CHD6: variants seen among roughly 807,000 people sequenced by gnomAD.
CHD6 encodes ATP-dependent chromatin remodeler CHD6.
Under a neutral mutation model 276.9 loss-of-function variants are expected in CHD6, and 50 were observed. That is an observed-to-expected ratio of 0.18 (90% CI 0.14 to 0.23). CHD6 has a LOEUF of 0.23. CHD6 is among the 10% of genes least tolerant of loss of function. The pLI is 1.00. For synonymous variants in CHD6, 1,173 were observed against 1,229.3 expected, an observed-to-expected ratio of 0.95 and a Z score of 0.96; for missense variants, 2,564 against 3,365.8, an observed-to-expected ratio of 0.76 and a Z score of 5.89.
chr20:41,555,245 C>A (rs1343169541), intron 1 of CHD6, among the ~76,000 whole-genome samples: 1 of 133,186 alleles, frequency 7.5e-6, no homozygotes, highest in African/African-American at 3.0e-5. Context: ...CTGACCCCCC[C>A]ACCTCCCTCC....
chr20:41,600,434 G>C (rs8117339), intron 1 of CHD6, among the ~76,000 whole-genome samples: 53,749 of 151,880 alleles, frequency 0.35, 12,319 homozygotes, highest in African/African-American at 0.63. Context: ...GTAGAGTGAG[G>C]GGGGGGTCTT....
chr20:41,479,232 A>G (rs541257547), intron 16 of CHD6, among the ~76,000 whole-genome samples: 63 of 152,296 alleles, frequency 4.1e-4, no homozygotes, highest in Admixed American at 1.1e-3. Flanking sequence ...AGTCTCACAA[A>G]TAACCAAGAG....
At chr20:41,554,464 A>G (rs1480692811) in intron 1 of CHD6, among the ~76,000 whole-genome samples, 2 of 151,416 alleles carry the variant, frequency 1.3e-5, no homozygotes, top group East Asian at 3.9e-4. Context: ...GTCATAGGAC[A>G]ATAGTGGAGG....
At chr20:41,447,846 C>T (rs1225100527) in intron 24 of CHD6, 36 bp downstream of exon 24, 3 of 1,483,874 alleles carry the variant, frequency 2.0e-6, no homozygotes, top group East Asian at 4.6e-5. Context: ...TATGTCAATT[C>T]TTTAACGTTG....
intron 1 of CHD6, among the ~76,000 whole-genome samples, chr20:41,610,248 A>G (rs527682317): frequency 1.3e-5 from 2 of 152,302 alleles, no homozygotes; most frequent in African/African-American, 2.4e-5. Flanking sequence ...ACTACAATCA[A>G]TCTTATCATT....
chr20:41,498,379 T>C (rs1255279089), intron 6 of CHD6, among the ~76,000 whole-genome samples, 153 bp from the exon 7 acceptor site: 2 of 152,174 alleles, frequency 1.3e-5, no homozygotes, highest in African/African-American at 2.4e-5. Flanking sequence ...CTGACACCTA[T>C]TGGTCAGGTT....
At chr20:41,504,674 G>A (rs975074277) in intron 5 of CHD6, among the ~76,000 whole-genome samples, 1 of 152,070 alleles carries the variant, frequency 6.6e-6, no homozygotes, top group Non-Finnish European at 1.5e-5. Context: ...GTCTCCAAAA[G>A]TGCTGGCATT....
chr20:41,451,138 T>C (rs778784070), intron 22 of CHD6, 33 bp from the exon 23 acceptor site: 9 of 1,599,286 alleles, frequency 5.6e-6, no homozygotes, highest in Non-Finnish European at 6.8e-6. Context: ...GGCAAGTGGA[T>C]AGCCAAGGGG....
rs78983895 is a variant in CHD6 at position 41,479,190 on chromosome 20, G to C, written c.2468+4119C>G. 5.5e-3 allele frequency among the ~76,000 whole-genome samples: 843 copies of C among 152,154 alleles called. 5 individuals are homozygous for C. Among genetic ancestry groups the C allele is most frequent in the Non-Finnish European group, 9.2e-3 (625 of 68,006 alleles). ...AAAACAGAGCCCATGGACTTGTGGG[G>C]AATTATCTCAAGGTCAAATAAACAG... On this transcript the variant is annotated intron_variant, in intron 16 of 36. Coordinates refer to ENST00000373233, the MANE Select transcript of CHD6 (RefSeq NM_032221.5).
intron 1 of CHD6, among the ~76,000 whole-genome samples, chr20:41,586,703 T>C (rs749346204): frequency 3.9e-5 from 6 of 152,158 alleles, no homozygotes; most frequent in Non-Finnish European, 8.8e-5. Context: ...GTCAATATAA[T>C]TCACCGTATC....
In CHD6 at chr20:41,413,506, C is replaced by T; in HGVS notation, c.6949G>A (p.Glu2317Lys). 1.9e-6 allele frequency: 3 copies of T among 1,560,768 alleles called. No homozygotes were observed. The highest frequency in any genetic ancestry group is 1.2e-5 in the South Asian group (1 of 83,854). Residue 2317 changes from glutamate (E) to lysine (K), a missense_variant, in exon 35 of 37, where the codon GAA becomes AAA. By Grantham distance (56) the Glu-to-Lys change is moderately conservative. This residue lies in a region of CHD6 where 1,024 missense variants were observed against 1,047.9 expected (regional missense o/e 0.98). Coordinates refer to ENST00000373233, the MANE Select transcript of CHD6 (RefSeq NM_032221.5). Reference protein sequence around the residue: ...TLQAGILEVHEDPGQATLSTT... With the variant: ...TLQAGILEVHKDPGQATLSTT... ...CTCAAGGTGGCCTGCCCTGGGTCTTCATGGACTTCCTGGATGAAGGAAAAA... is the reference window on the plus strand; with the variant it reads ...CTCAAGGTGGCCTGCCCTGGGTCTTTATGGACTTCCTGGATGAAGGAAAAA...
At chr20:41,518,732 T>G (rs6072398) in intron 3 of CHD6, among the ~76,000 whole-genome samples, 71,697 of 151,898 alleles carry the variant, frequency 0.47, 18,309 homozygotes, top group African/African-American at 0.68. Flanking sequence ...TCTGATAAAG[T>G]CAAGTTTCAG....
chr20:41,491,857 G>T, intron 10 of CHD6, 38 bp from the exon 11 acceptor site: 1 of 1,610,728 alleles, frequency 6.2e-7, no homozygotes, highest in Non-Finnish European at 8.5e-7. Flanking sequence ...GATAGAGAAT[G>T]ATGTTTTAGG....
intron 1 of CHD6, among the ~76,000 whole-genome samples, chr20:41,564,970 A>G: frequency 6.6e-6 from 1 of 152,208 alleles, no homozygotes; most frequent in Non-Finnish European, 1.5e-5. Context: ...TCAGGTAGGA[A>G]TAGGTAGGGC....
intron 1 of CHD6, among the ~76,000 whole-genome samples, chr20:41,582,234 A>G (rs2045548280): frequency 6.6e-6 from 1 of 152,358 alleles, no homozygotes; most frequent in African/African-American, 2.4e-5. Flanking sequence ...GTCTCATGAG[A>G]AAGACAAATC....
intron 1 of CHD6, among the ~76,000 whole-genome samples, chr20:41,592,851 G>A (rs1328213222): frequency 6.6e-6 from 1 of 152,110 alleles, no homozygotes; most frequent in African/African-American, 2.4e-5. Flanking sequence ...ACATACCTTA[G>A]TACAAACTCT....
intron 1 of CHD6, among the ~76,000 whole-genome samples, chr20:41,583,846 C>T (rs1005734803): frequency 7.3e-5 from 11 of 151,704 alleles, no homozygotes; most frequent in African/African-American, 2.4e-4. Context: ...TCTTGTAAAT[C>T]CAAGGACAAT....
At chr20:41,580,140 T>C (rs1000075200) in intron 1 of CHD6, among the ~76,000 whole-genome samples, 1 of 152,190 alleles carries the variant, frequency 6.6e-6, no homozygotes, top group Non-Finnish European at 1.5e-5. Flanking sequence ...AAGATGGCAC[T>C]GTTCGAATGC....
chr20:41,405,342 G>A lies in CHD6; in HGVS notation c.7399C>T (p.Leu2467=). ...CCAGCAATCAGTCCATTCATGAACA[G>A]TGGCCCCATTCCAGAGGGAGAGTCT... ...VADSPSGMGP[L]FMNGLIAGMD... Residue 2467 remains leucine (L), a synonymous_variant, in exon 37 of 37, where the codon CTG becomes TTG. Coordinates refer to ENST00000373233, the MANE Select transcript of CHD6 (RefSeq NM_032221.5). 1 of 1,614,206 alleles carries A rather than the reference G, an allele frequency of 6.2e-7. No individual in the cohort carries two copies.
Sources: allele counts gnomAD v4.1 joint callset (sites outside exome capture counted in the v4.1 genomes callset), GRCh38; gene constraint gnomAD v4.1.1; regional missense constraint gnomAD v4.1.1; transcripts MANE v1.5; gene names NCBI Gene and HGNC (gene_info 2026-07-23, HGNC 2026-07-21).